Variants in UGT1A9 observed in about 807,000 individuals in gnomAD.
The protein encoded by UGT1A9 is UDP glucuronosyltransferase family 1 member A9, also known as UDP-glucuronosyltransferase 1A9.
A neutral mutation model predicts 45.0 loss-of-function variants in UGT1A9; 35 were observed. The observed-to-expected ratio is 0.78, with a 90% CI of 0.59 to 1.03. The LOEUF is 1.03. Ranked by LOEUF, UGT1A9 falls within the 50% of genes least tolerant of loss-of-function variation. The pLI is 0.00. For missense variants in UGT1A9, 687 were observed against 666.6 expected (o/e 1.03, Z -0.34); for synonymous variants, 278 against 250.6 (o/e 1.11, Z -1.03).
intron 1 of UGT1A9, among the ~76,000 whole-genome samples, chr2:233,741,083 A>G (rs1400996057): frequency 6.6e-6 from 1 of 151,938 alleles, no homozygotes; most frequent in Non-Finnish European, 1.5e-5. Flanking sequence ...TGTCTTTAAA[A>G]CAAACAAGCA....
intron 1 of UGT1A9, among the ~76,000 whole-genome samples, chr2:233,676,404 C>T (rs1247227318): frequency 6.6e-6 from 1 of 152,186 alleles, no homozygotes; most frequent in Non-Finnish European, 1.5e-5. Flanking sequence ...TTCATCTACC[C>T]TGTGTCCAGT....
intron 1 of UGT1A9, 44 bp from the exon 2 acceptor site, chr2:233,766,990 G>T: frequency 1.2e-6 from 2 of 1,613,182 alleles, no homozygotes; most frequent in Non-Finnish European, 8.5e-7. Context: ...AGTCATCAAA[G>T]AATATGAGAA....
In UGT1A9 at chr2:233,767,859, G is replaced by C. The variant is rs750453538; in HGVS notation, c.998G>C (p.Arg333Pro). ...LGKIPQTVLWRYTGTRPSNLA... is the reference protein window; with the variant it reads ...LGKIPQTVLWPYTGTRPSNLA... Reference sequence around the variant, plus strand: ...TTTTGCCCCTCCCAGGTCCTGTGGCGGTACACTGGAACCCGACCATCGAAT... The same window carrying C: ...TTTTGCCCCTCCCAGGTCCTGTGGCCGTACACTGGAACCCGACCATCGAAT... Residue 333 changes from arginine to proline, a missense_variant, in exon 3 of 5, where the codon CGG becomes CCG. Physicochemically the swap from Arg to Pro is moderately radical, Grantham distance 103 (BLOSUM62 -2). Transcript: ENST00000354728. 6.2e-7 allele frequency: 1 copy of C among 1,613,938 alleles called. No individual in the cohort carries two copies. The highest frequency in any genetic ancestry group is 1.3e-5 in the African/African-American group (1 of 74,850).
Position 233,769,827 on chromosome 2 carries a change from C to A in UGT1A9, c.1295+1388C>A, listed in dbSNP as rs926014830. ...CCGTGATCATGCCACTGCACTCCAGCAACCTGGGCAACAGAGTGAGACCCT... is the reference window on the plus strand; with the variant it reads ...CCGTGATCATGCCACTGCACTCCAGAAACCTGGGCAACAGAGTGAGACCCT... On this transcript the variant is annotated intron_variant, in intron 4 of 4. Transcript: ENST00000354728. This position sits in a 1 kb window ranked among gnomAD's most constrained non-coding sequence, Gnocchi z 4.4. 26 of 649,106 alleles carry A rather than the reference C, an allele frequency of 4.0e-5. No individual in the cohort carries two copies. The highest frequency in any genetic ancestry group is 5.2e-5 in the Non-Finnish European group (23 of 440,480). 40.2% of individuals were successfully genotyped at this position (649,106 alleles called of 1,614,324 possible). A position where few individuals can be genotyped will look rare whatever the true frequency, so the allele number is the denominator to read the frequency against.
At chr2:233,758,733 C>T (rs1161987353) in intron 1 of UGT1A9, among the ~76,000 whole-genome samples, 1 of 152,140 alleles carries the variant, frequency 6.6e-6, no homozygotes, top group African/African-American at 2.4e-5. Context: ...TAAGCACATC[C>T]CCAAGTATGG....
chr2:233,716,754 G>C (rs998175744), intron 1 of UGT1A9, among the ~76,000 whole-genome samples: 2 of 152,170 alleles, frequency 1.3e-5, no homozygotes, highest in Non-Finnish European at 2.9e-5. Flanking sequence ...TGGGAGAGGG[G>C]AGCTAGATCA....
At chr2:233,704,691 T>C (rs749758389) in intron 1 of UGT1A9, among the ~76,000 whole-genome samples, 31 of 152,224 alleles carry the variant, frequency 2.0e-4, no homozygotes, top group Non-Finnish European at 4.3e-4. Flanking sequence ...AGTTACCTTA[T>C]GGTATCATTT....
rs1233406017 is a variant in UGT1A9 at position 233,718,946 on chromosome 2, CA to C, written c.855+46158del. 88 of 1,614,072 alleles carry C rather than the reference CA, an allele frequency of 5.5e-5. No homozygotes were observed. In the East Asian group the frequency reaches 1.6e-3, roughly 29 times the overall value. ...TGCCCACTGATGGCAGCCCCTGGCT[CA>C]GCATGCGGGAGGCCTTGCGGGAGCT... On this transcript the variant is annotated intron_variant, in intron 1 of 4. Transcript: ENST00000354728.
rs879425971 is a variant in UGT1A9, at chr2:233,674,614, T to C, written c.855+1825T>C. Among the ~76,000 whole-genome samples, 3 of 151,200 alleles carry C rather than the reference T, an allele frequency of 2.0e-5. No individual in the cohort carries two copies. In the East Asian group the frequency reaches 5.8e-4, roughly 29 times the overall value. ...ATCTATAAAATATGAAACATCAAACTATATATGGTTTCATTTATTTTGATT... is the reference window on the plus strand; with the variant it reads ...ATCTATAAAATATGAAACATCAAACCATATATGGTTTCATTTATTTTGATT... On this transcript the variant is annotated intron_variant, in intron 1 of 4. Transcript: ENST00000354728.
intron 1 of UGT1A9, chr2:233,682,176 C>G (rs367893933): frequency 1.3e-5 from 21 of 1,614,122 alleles, no homozygotes; most frequent in Admixed American, 1.7e-5. Context: ...TACTCAACCT[C>G]ATACACTCTG....
intron 1 of UGT1A9, among the ~76,000 whole-genome samples, chr2:233,763,677 A>G (rs934617457): frequency 6.6e-6 from 1 of 152,232 alleles, no homozygotes; most frequent in Non-Finnish European, 1.5e-5. Flanking sequence ...AACTTTAAGA[A>G]TAAAGATAAA....
chr2:233,750,227 A>G (rs977533582), intron 1 of UGT1A9, among the ~76,000 whole-genome samples: 2 of 151,900 alleles, frequency 1.3e-5, no homozygotes, highest in African/African-American at 4.9e-5. Context: ...GAGATGAGGA[A>G]CTTATTGGGA....
intron 1 of UGT1A9, chr2:233,691,684 A>T: frequency 1.0e-6 from 1 of 957,208 alleles, no homozygotes. Flanking sequence ...GAGAAACCTG[A>T]AGCTCAGGAG....
Position 233,772,368 on chromosome 2 carries a change from G to A in UGT1A9, c.1402G>A (p.Ala468Thr), listed in dbSNP as rs775532505. Residue 468 changes from alanine to threonine, a missense_variant, in exon 5 of 5, where the codon GCG (alanine) becomes ACG (threonine). Physicochemically the swap from Ala to Thr is moderately conservative, Grantham distance 58. Transcript: ENST00000354728. ...GGAGTTTGTGATGAGGCACAAGGGC[G>A]CGCCACACCTGCGCCCCGCAGCCCA... ...WVEFVMRHKG[A>T]PHLRPAAHDL... 1.1e-4 allele frequency: 174 copies of A among 1,614,102 alleles called. No individual in the cohort carries two copies. In the Middle Eastern group the frequency reaches 1.6e-3, roughly 15 times the overall value.
At chr2:233,724,345 C>CCT in intron 1 of UGT1A9, among the ~76,000 whole-genome samples, 1 of 147,952 alleles carries the variant, frequency 6.8e-6, no homozygotes, top group African/African-American at 2.5e-5. Flanking sequence ...GGCTGACCCC[C>CCT]CCCACCTCCC....
chr2:233,685,707 A>G (rs2074750782), intron 1 of UGT1A9, among the ~76,000 whole-genome samples: 1 of 152,230 alleles, frequency 6.6e-6, no homozygotes, highest in South Asian at 2.1e-4. Flanking sequence ...ATAATTTTCA[A>G]TATCTTGCTG....
At chr2:233,772,160 G>A in intron 4 of UGT1A9, 102 bp from the exon 5 acceptor site, 1 of 1,565,444 alleles carries the variant, frequency 6.4e-7, no homozygotes, top group Non-Finnish European at 8.7e-7. Flanking sequence ...CCTTTCCCAA[G>A]TTTGGAAAAT....
intron 1 of UGT1A9, among the ~76,000 whole-genome samples, chr2:233,730,410 A>G (rs1377970337): frequency 1.3e-5 from 2 of 152,224 alleles, no homozygotes; most frequent in African/African-American, 4.8e-5. Flanking sequence ...ACAATTGTTG[A>G]CATGATAATT....
chr2:233,766,617 A>C lies in UGT1A9; in HGVS notation c.856-417A>C, dbSNP rs34737611. Reference sequence around the variant, plus strand: ...CCAGGGACCACACCCTCTTCTACCCAGCACTTCCCTTCCCTACTTCCATAT... The same window carrying C: ...CCAGGGACCACACCCTCTTCTACCCCGCACTTCCCTTCCCTACTTCCATAT... On this transcript the variant is annotated intron_variant, in intron 1 of 4. Transcript: ENST00000354728. Among the ~76,000 whole-genome samples, 23 of 152,284 alleles carry C rather than the reference A, an allele frequency of 1.5e-4. No individual in the cohort carries two copies. In the East Asian group the frequency reaches 4.3e-3, roughly 28 times the overall value.
Sources: allele counts gnomAD v4.1 joint callset (sites outside exome capture counted in the v4.1 genomes callset), GRCh38; gene constraint gnomAD v4.1.1; non-coding constraint Gnocchi (gnomAD v3.1); transcripts MANE v1.5; gene names NCBI Gene and HGNC (gene_info 2026-07-23, HGNC 2026-07-21).